TLN2: variants seen among roughly 807,000 people sequenced by gnomAD.
The protein encoded by TLN2 is talin 2.
A neutral mutation model predicts 294.7 loss-of-function variants in TLN2; 118 were observed. That is an observed-to-expected ratio of 0.40 (90% CI 0.34 to 0.47). TLN2 has a LOEUF of 0.47. Ranked by LOEUF, TLN2 falls within the 20% of genes least tolerant of loss-of-function variation. TLN2 has a pLI of 0.84. For missense variants in TLN2, 3,083 were observed against 3,282.2 expected (o/e 0.94, Z 1.48); for synonymous variants, 1,431 against 1,304.5 (o/e 1.10, Z -2.09).
chr15:62,662,779 G>C (rs528119986), intron 9 of TLN2, among the ~76,000 whole-genome samples: 1 of 150,404 alleles, frequency 6.6e-6, no homozygotes, highest in African/African-American at 2.4e-5. Flanking sequence ...TAAAAAGGCA[G>C]AAAGGGGGAA....
chr15:62,713,460 C>T (rs2059559946), intron 22 of TLN2, among the ~76,000 whole-genome samples: 1 of 151,978 alleles, frequency 6.6e-6, no homozygotes, highest in Non-Finnish European at 1.5e-5. Flanking sequence ...GGGCGGATTA[C>T]CTGAGGTCAG....
intron 2 of TLN2, among the ~76,000 whole-genome samples, chr15:62,605,277 A>C (rs762786713): frequency 5.9e-5 from 9 of 152,238 alleles, no homozygotes; most frequent in African/African-American, 9.6e-5. Context: ...TATTATACTA[A>C]AATATAATTA....
Position 62,647,402 on chromosome 15 carries a change from G to A in TLN2, c.92G>A (p.Cys31Tyr), listed in dbSNP as rs757119282. 1 of 1,614,124 alleles carries A rather than the reference G, an allele frequency of 6.2e-7. No individual in the cohort carries two copies. Among genetic ancestry groups the A allele is most frequent in the African/African-American group, 1.3e-5 (1 of 74,934 alleles). Residue 31 changes from cysteine (C) to tyrosine (Y), a missense_variant, in exon 4 of 59, where the codon TGT (cysteine) becomes TAT (tyrosine). Cys to Tyr is a radical substitution (Grantham distance 194, BLOSUM62 -2). Coordinates refer to ENST00000636159, the MANE Select transcript of TLN2 (RefSeq NM_015059.3). ...FEPSTAVYDA[C>Y]RVIRERVPEA... is the part of the protein sequence containing the mutation. ...CCATCTACAGCTGTGTACGATGCGT[G>A]TCGAGTCATTCGGGAACGGGTGCCT...
rs1491535050 is a variant in TLN2, at chr15:62,785,666, AG to A, written c.5736+1780del. 5.3e-5 allele frequency among the ~76,000 whole-genome samples: 8 copies of A among 150,780 alleles called. 2 individuals are homozygous for A. The highest frequency in any genetic ancestry group is 1.3e-4 in the Admixed American group (2 of 15,122). ...ACTCCATCTCAAAAAAAAAAAAAAA[AG>A]GGGAAGAAGTGTTTGGCAAGGGAGG... On this transcript the variant is annotated intron_variant, in intron 45 of 58. Transcript: ENST00000636159.
intron 2 of TLN2, among the ~76,000 whole-genome samples, chr15:62,603,279 G>A (rs886302867): frequency 2.0e-5 from 3 of 152,152 alleles, no homozygotes; most frequent in East Asian, 3.9e-4. Flanking sequence ...GTTTATCGTT[G>A]TAGTGGTTTT....
chr15:62,774,072 C>A (rs1267849781), intron 42 of TLN2, among the ~76,000 whole-genome samples: 2 of 152,114 alleles, frequency 1.3e-5, no homozygotes, highest in African/African-American at 4.8e-5. Context: ...AGATTCTGCC[C>A]ACAACACTCC....
chr15:62,411,215 AC>A (rs1395748922), intron 1 of TLN2, among the ~76,000 whole-genome samples: 1 of 152,140 alleles, frequency 6.6e-6, no homozygotes, highest in African/African-American at 2.4e-5. Flanking sequence ...TGATGTGGGA[AC>A]CCACCGCATA....
chr15:62,436,962 C>T (rs1242556885), intron 1 of TLN2, among the ~76,000 whole-genome samples: 1 of 152,246 alleles, frequency 6.6e-6, no homozygotes, highest in Non-Finnish European at 1.5e-5. Context: ...CTCCCAACCC[C>T]AAGTGATCCT....
At chr15:62,742,993 T>C (rs1194606245) in intron 32 of TLN2, among the ~76,000 whole-genome samples, 2 of 152,212 alleles carry the variant, frequency 1.3e-5, no homozygotes, top group Non-Finnish European at 2.9e-5. Flanking sequence ...TGACGCCCAG[T>C]GCTGAGTGCA....
intron 52 of TLN2, among the ~76,000 whole-genome samples, chr15:62,817,207 C>T (rs867933434): frequency 6.6e-6 from 1 of 152,170 alleles, no homozygotes; most frequent in Non-Finnish European, 1.5e-5. Context: ...GGCATTTATC[C>T]CCTTCCTTCT....
At chr15:62,613,067 A>G (rs935274335) in intron 2 of TLN2, among the ~76,000 whole-genome samples, 4 of 152,166 alleles carry the variant, frequency 2.6e-5, no homozygotes, top group Admixed American at 2.6e-4. Context: ...TCCTGACCCT[A>G]CCGCTTCTTA....
intron 1 of TLN2, among the ~76,000 whole-genome samples, chr15:62,496,576 G>A (rs1214743202): frequency 6.6e-6 from 1 of 152,142 alleles, no homozygotes. Flanking sequence ...CAGGCTTCTT[G>A]CATCAGAACC....
At chr15:62,467,095 T>G (rs1410328047) in intron 1 of TLN2, among the ~76,000 whole-genome samples, 1 of 152,188 alleles carries the variant, frequency 6.6e-6, no homozygotes, top group Non-Finnish European at 1.5e-5. Context: ...GACCATTGCC[T>G]TATGAGTTAC....
At chr15:62,624,042 A>G (rs1353290177) in intron 3 of TLN2, among the ~76,000 whole-genome samples, 1 of 152,216 alleles carries the variant, frequency 6.6e-6, no homozygotes, top group Non-Finnish European at 1.5e-5. Flanking sequence ...CAGGGGATCC[A>G]ATACCTCACA....
In TLN2 at chr15:62,697,806, A is replaced by G; in HGVS notation, c.1411A>G (p.Met471Val). The part of the protein sequence containing the change: ...SGPETFNVGS[M>V]PSPQQQVMVG... ...GCCTGAGACCTTCAACGTTGGCAGC[A>G]TGCCCTCGCCACAGCAGCAGGTCAT... Residue 471 changes from methionine (M) to valine (V), a missense_variant, in exon 15 of 59, where the codon ATG (methionine) becomes GTG (valine). Transcript: ENST00000636159. 2 of 1,613,092 alleles carry G rather than the reference A, an allele frequency of 1.2e-6. No individual in the cohort carries two copies. The highest frequency in any genetic ancestry group is 2.2e-5 in the East Asian group (1 of 44,844).
intron 51 of TLN2, 139 bp from the exon 52 acceptor site, chr15:62,809,786 G>C (rs1466166219): frequency 1.4e-6 from 1 of 725,426 alleles, no homozygotes; most frequent in Non-Finnish European, 2.4e-6. Context: ...AGGACGTAGA[G>C]GAGAGATACC....
intron 12 of TLN2, among the ~76,000 whole-genome samples, chr15:62,689,842 G>GCTT (rs1437926815): frequency 3.6e-5 from 1 of 27,572 alleles, no homozygotes; most frequent in African/African-American, 6.6e-5. Flanking sequence ...CTTGGTATGG[G>GCTT]CTTCTTTTTT....
At chr15:62,751,817 A>G (rs1216899612) in intron 34 of TLN2, among the ~76,000 whole-genome samples, 2 of 152,226 alleles carry the variant, frequency 1.3e-5, no homozygotes, top group Non-Finnish European at 2.9e-5. Context: ...AATACACCAC[A>G]CCAGTGATTT....
chr15:62,572,122 G>C (rs975737072), intron 1 of TLN2, among the ~76,000 whole-genome samples: 25 of 152,170 alleles, frequency 1.6e-4, no homozygotes, highest in African/African-American at 5.8e-4. Context: ...TCTCTAGCTT[G>C]ACACTGGGCA....
Sources: gnomAD v4.1 joint callset for allele counts (sites outside exome capture counted in the v4.1 genomes callset) on GRCh38, gnomAD v4.1.1 for gene constraint, MANE v1.5 for transcripts, NCBI Gene and HGNC (gene_info 2026-07-23, HGNC 2026-07-21) for gene names.